Variants in DMD observed in about 807,000 individuals in gnomAD.
DMD encodes mutant dystrophin.
A neutral mutation model predicts 330.1 loss-of-function variants in DMD; 63 were observed. The observed-to-expected ratio is 0.19, with a 90% CI of 0.16 to 0.24. The LOEUF (loss-of-function observed/expected upper bound fraction) is 0.24. Among genes scored for constraint, DMD ranks in the 10% least tolerant of loss-of-function variants. DMD has a pLI of 1.00. For synonymous variants in DMD, 1,223 were observed against 959.8 expected (o/e 1.27, Z -5.07); for missense variants, 3,344 against 2,684.1 (o/e 1.25, Z -5.43).
At chrX:32,712,531 T>A (rs781073393) in intron 7 of DMD, among the ~76,000 whole-genome samples, 32 of 111,979 alleles carry the variant, frequency 2.9e-4, no homozygotes, top group Middle Eastern at 4.7e-3. Flanking sequence ...CCTATTTACA[T>A]GAACCCTCAT....
chrX:31,881,219 G>C (rs1325192677), intron 47 of DMD, among the ~76,000 whole-genome samples: 2 of 110,856 alleles, frequency 1.8e-5, no homozygotes, highest in Non-Finnish European at 3.8e-5. Flanking sequence ...AGTTTATAAA[G>C]TAAAAAAGTT....
intron 9 of DMD, among the ~76,000 whole-genome samples, chrX:32,673,259 G>C (rs2061745615): frequency 9.1e-6 from 1 of 110,129 alleles, no homozygotes. Context: ...AATGATACTT[G>C]GTACATGATT....
In DMD at chrX:32,429,509, C is replaced by T. The variant is rs985958019; in HGVS notation, c.4071+8732G>A. Among the ~76,000 whole-genome samples the T allele has an allele frequency of 1.0e-4, 11 of 104,924 alleles. 1 individual carries two copies. Among genetic ancestry groups the T allele is most frequent in the Admixed American group, 4.1e-4 (4 of 9,653 alleles). 91.1% of individuals were successfully genotyped at this position (104,924 alleles called of 115,157 possible). ...GGATTAAGGCATGAGCTACCACGCCCGGCCGCTGGTATTTTTCTACCATCT... is the reference window on the plus strand; with the variant it reads ...GGATTAAGGCATGAGCTACCACGCCTGGCCGCTGGTATTTTTCTACCATCT... On this transcript the variant is annotated intron_variant, in intron 29 of 78. Coordinates refer to ENST00000357033, the MANE Select transcript of DMD (RefSeq NM_004006.3).
chrX:32,069,219 T>C (rs1288259770), intron 44 of DMD, among the ~76,000 whole-genome samples: 1 of 111,617 alleles, frequency 9.0e-6, no homozygotes, highest in Non-Finnish European at 1.9e-5. Context: ...TTACCCTGAT[T>C]TGATCATTAC....
chrX:31,239,877 C>T (rs2048081357), intron 63 of DMD, among the ~76,000 whole-genome samples: 1 of 111,733 alleles, frequency 8.9e-6, no homozygotes, highest in South Asian at 3.8e-4. Flanking sequence ...TAAAGAGTAG[C>T]AGCAGCCTCC....
intron 1 of DMD, among the ~76,000 whole-genome samples, chrX:33,138,156 G>C (rs1476190901): frequency 9.0e-6 from 1 of 111,522 alleles, no homozygotes; most frequent in African/African-American, 3.3e-5. Context: ...TGAAAGAGTT[G>C]GATTTCCAAC....
In DMD at chrX:33,324,455, C is replaced by G. The variant is rs1318656203; in HGVS notation, c.7+14804G>C. 2.7e-5 allele frequency among the ~76,000 whole-genome samples: 3 copies of G among 111,530 alleles called. No individual in the cohort carries two copies. The Admixed American group carries it at 2.9e-4, about 11-fold the overall frequency. On this transcript the variant is annotated intron_variant, in intron 1 of 17. Coordinates refer to the DMD transcript ENST00000288447. ...AACATTGTAGTTCTATTAGTCTGAG[C>G]CTTAATGCATACAGATTTTTGCAAA...
At chrX:32,434,692 G>A (rs1293196191) in intron 29 of DMD, among the ~76,000 whole-genome samples, 3 of 111,917 alleles carry the variant, frequency 2.7e-5, no homozygotes, top group African/African-American at 9.7e-5. Flanking sequence ...GATTGATTTA[G>A]CTAATAAATT....
chrX:32,157,884 C>G (rs1344154401), intron 44 of DMD, among the ~76,000 whole-genome samples: 1 of 111,835 alleles, frequency 8.9e-6, no homozygotes, highest in African/African-American at 3.3e-5. Flanking sequence ...AGCACGGCAT[C>G]TAAACATTGC....
At chrX:32,276,914 T>C (rs919733205) in intron 43 of DMD, among the ~76,000 whole-genome samples, 1 of 108,020 alleles carries the variant, frequency 9.3e-6, no homozygotes, top group African/African-American at 3.4e-5. Flanking sequence ...AGTGAGATGC[T>C]GTCTCAAGAA....
chrX:32,685,771 C>T (rs1391700186), intron 9 of DMD, among the ~76,000 whole-genome samples: 2 of 111,496 alleles, frequency 1.8e-5, no homozygotes, highest in South Asian at 3.7e-4. Context: ...AGTTTCATAA[C>T]GATACCATCA....
At chrX:32,514,585 C>CA (rs1233125594) in intron 18 of DMD, among the ~76,000 whole-genome samples, 1 of 111,693 alleles carries the variant, frequency 9.0e-6, no homozygotes, top group East Asian at 2.8e-4. Flanking sequence ...ACTAAAAATA[C>CA]AAAAACTTAG....
At chrX:32,303,693 G>A (rs972231689) in intron 42 of DMD, among the ~76,000 whole-genome samples, 2 of 110,309 alleles carry the variant, frequency 1.8e-5, no homozygotes, top group Non-Finnish European at 3.8e-5. Flanking sequence ...TTGTGACAGC[G>A]GCCGTTGGGG....
In DMD at chrX:31,478,096, T is replaced by G. The variant is rs773865736; in HGVS notation, c.8937+10A>C. ...CTCAAAGGGCCCTGAAGCAAAGAAG[T>G]AGACGGTACCTTGACTTTCTCGAGG... On this transcript the variant is annotated intron_variant, in intron 59 of 78. Transcript: ENST00000357033. 1.7e-5 allele frequency: 20 copies of G among 1,207,642 alleles called. No individual in the cohort carries two copies. The highest frequency in any genetic ancestry group is 2.2e-5 in the Non-Finnish European group (20 of 894,468).
chrX:31,284,612 T>TTCTTCTTCTTCTTCCTC (rs2053017831), intron 62 of DMD, among the ~76,000 whole-genome samples: 1 of 104,787 alleles, frequency 9.5e-6, no homozygotes, highest in African/African-American at 3.7e-5. Flanking sequence ...CTTCTTTTTT[T>TTCTTCTTCTTCTTCCTC]TGGCAGAGGT....
intron 30 of DMD, among the ~76,000 whole-genome samples, chrX:32,396,071 G>A (rs1049782515): frequency 9.0e-6 from 1 of 110,980 alleles, no homozygotes; most frequent in African/African-American, 3.3e-5. Flanking sequence ...TCCCAAATGA[G>A]TCATATTGTT....
chrX:32,124,321 C>A (rs2096651432), intron 44 of DMD, among the ~76,000 whole-genome samples: 1 of 112,299 alleles, frequency 8.9e-6, no homozygotes, highest in East Asian at 2.8e-4. Context: ...ATGACGGAAC[C>A]ATGATTCGGA....
At chrX:32,396,584 T>C (rs1177188363) in intron 30 of DMD, among the ~76,000 whole-genome samples, 2 of 110,221 alleles carry the variant, frequency 1.8e-5, no homozygotes, top group African/African-American at 3.3e-5. Context: ...CCAAGAATCA[T>C]ACAACACTTT....
chrX:32,595,303 C>T (rs1044904111), intron 13 of DMD, among the ~76,000 whole-genome samples: 16 of 111,409 alleles, frequency 1.4e-4, no homozygotes, highest in African/African-American at 3.3e-4. Context: ...GTGAGTTCTA[C>T]GGACTGTTTT....
Sources: gnomAD v4.1 joint callset for allele counts (sites outside exome capture counted in the v4.1 genomes callset) on GRCh38, gnomAD v4.1.1 for gene constraint, MANE v1.5 for transcripts, NCBI Gene and HGNC (gene_info 2026-07-23, HGNC 2026-07-21) for gene names.